Variants in ZNF619 observed in about 807,000 individuals in gnomAD.
The protein encoded by ZNF619 is zinc finger protein 619.
Under a neutral mutation model 14.2 loss-of-function variants are expected in ZNF619, and 9 were observed. That is an observed-to-expected ratio of 0.64 (90% CI 0.38 to 1.11). ZNF619 has a LOEUF of 1.11. ZNF619 is among the 50% of genes least tolerant of loss of function. The probability of loss-of-function intolerance (pLI) is 0.01; values close to 1 mark genes in which losing one functional copy is unlikely to be tolerated. For synonymous variants in ZNF619, 246 were observed against 252.8 expected, an observed-to-expected ratio of 0.97 and a Z score of 0.26; for missense variants, 659 against 680.1, an observed-to-expected ratio of 0.97 and a Z score of 0.34.
chr3:40,477,797 G>C (rs1381548251), intron 1 of ZNF619, 121 bp from the exon 2 acceptor site: 6 of 609,068 alleles, frequency 9.9e-6, no homozygotes, highest in Non-Finnish European at 1.5e-5. Flanking sequence ...TCAGTGGAGA[G>C]GGTGAATGAC....
intron 4 of ZNF619, among the ~76,000 whole-genome samples, chr3:40,483,995 G>A (rs543183092): frequency 8.8e-5 from 13 of 148,408 alleles, no homozygotes; most frequent in East Asian, 4.1e-4. Context: ...GCACTATTTC[G>A]GCTCACTGCA....
At chr3:40,482,848 C>T (rs1697452143) in intron 4 of ZNF619, 144 bp downstream of exon 4, 1 of 633,678 alleles carries the variant, frequency 1.6e-6, no homozygotes, top group East Asian at 2.8e-5. Flanking sequence ...TGTTGCTTAC[C>T]AGAACTTCAT....
Position 40,481,923 on chromosome 3 carries a change from T to C in ZNF619, c.85T>C (p.Phe29Leu). The C allele has an allele frequency of 6.2e-7, 1 of 1,613,908 alleles. No homozygotes were observed. The highest frequency in any genetic ancestry group is 1.1e-5 in the South Asian group (1 of 91,068). The change falls in exon 3 of 5, where the codon TTC becomes CTC. Residue 29 changes from phenylalanine to leucine, a missense_variant. Coordinates refer to ENST00000432264, the MANE Select transcript of ZNF619 (RefSeq NM_001145093.4). ...PVTFEDVAVYFTQNEWASLHP... is the reference protein window; with the variant it reads ...PVTFEDVAVYLTQNEWASLHP... ...AACCTTTGAGGATGTGGCTGTGTACTTCACCCAGAATGAATGGGCCAGCCT... is the reference window on the plus strand; with the variant it reads ...AACCTTTGAGGATGTGGCTGTGTACCTCACCCAGAATGAATGGGCCAGCCT...
chr3:40,480,017 A>C (rs1382344553), intron 2 of ZNF619, among the ~76,000 whole-genome samples: 1 of 152,248 alleles, frequency 6.6e-6, no homozygotes, highest in African/African-American at 2.4e-5. Context: ...AGTAAAGGAC[A>C]GAAGAGTGAT....
At chr3:40,486,141 G>A (rs1440321291) in intron 4 of ZNF619, among the ~76,000 whole-genome samples, 1 of 152,208 alleles carries the variant, frequency 6.6e-6, no homozygotes, top group Admixed American at 6.5e-5. Flanking sequence ...TGGTGCTAGA[G>A]CTGCCTACCC....
chr3:40,483,920 A>C (rs988924867), intron 4 of ZNF619, among the ~76,000 whole-genome samples: 1 of 151,698 alleles, frequency 6.6e-6, no homozygotes, highest in Non-Finnish European at 1.5e-5. Flanking sequence ...GAGCTACTGC[A>C]CTTGGCCTAT....
At chr3:40,480,498 A>AGT (rs1697349386) in intron 2 of ZNF619, among the ~76,000 whole-genome samples, 1 of 109,724 alleles carries the variant, frequency 9.1e-6, no homozygotes, top group African/African-American at 5.1e-5. Context: ...ACTGCATAGT[A>AGT]CTTTTTTTTT....
chr3:40,482,269 C>A, intron 3 of ZNF619: 1 of 1,551,918 alleles, frequency 6.4e-7, no homozygotes, highest in Non-Finnish European at 8.7e-7. Flanking sequence ...ACAGAGAGAA[C>A]TGAGAAGGTT....
intron 1 of ZNF619, 101 bp from the exon 2 acceptor site, chr3:40,477,817 T>C (rs927350105): frequency 7.8e-6 from 5 of 641,296 alleles, no homozygotes; most frequent in Non-Finnish European, 1.4e-5. Flanking sequence ...CAGCAGCTAG[T>C]GTGCCAAGAA....
In ZNF619 at chr3:40,487,840, G is replaced by T. The variant is rs1185190202; in HGVS notation, c.1330G>T (p.Val444Phe). Residue 444 changes from valine to phenylalanine, a missense_variant, in exon 5 of 5, where the codon GTT becomes TTT. By Grantham distance (50) the Val-to-Phe change is conservative. Coordinates refer to ENST00000432264, the MANE Select transcript of ZNF619 (RefSeq NM_001145093.4). ...GKTFSQKITL[V>F]QHQRVHTGEK... Reference sequence around the variant, plus strand: ...GACATTCAGTCAAAAGATCACTCTGGTTCAGCATCAGCGAGTTCACACTGG... The same window carrying T: ...GACATTCAGTCAAAAGATCACTCTGTTTCAGCATCAGCGAGTTCACACTGG... 6.2e-7 allele frequency: 1 copy of T among 1,613,352 alleles called. No homozygotes were observed. Among genetic ancestry groups the T allele is most frequent in the African/African-American group, 1.3e-5 (1 of 74,632 alleles).
chr3:40,489,815 A>G lies in ZNF619; in HGVS notation c.*1574A>G, dbSNP rs960958635. 2.0e-5 allele frequency: 3 copies of G among 152,192 alleles called. No homozygotes were observed. The highest frequency in any genetic ancestry group is 4.4e-5 in the Non-Finnish European group (3 of 68,026). The allele number at this position is 152,192 out of a possible 1,614,324, so 9.4% of individuals were successfully genotyped here. A position where few individuals can be genotyped will look rare whatever the true frequency, so the allele number is the denominator to read the frequency against. ...TTGGATATGTCCTCACACCTACTCC[A>G]GATTTCCCTATGATTAAATCTGAAT... is the stretch of plus-strand genomic sequence containing the variant. On this transcript the variant is annotated 3_prime_UTR_variant, in exon 5 of 5. Transcript: ENST00000432264.
chr3:40,484,045 C>G (rs903650716), intron 4 of ZNF619, among the ~76,000 whole-genome samples: 1 of 152,216 alleles, frequency 6.6e-6, no homozygotes, highest in Non-Finnish European at 1.5e-5. Context: ...CCTGCCTCAG[C>G]CTCCCAAGTA....
rs1255075298 is a variant in ZNF619 at position 40,487,454 on chromosome 3, C to T, written c.944C>T (p.Pro315Leu). 6 of 1,613,998 alleles carry T rather than the reference C, an allele frequency of 3.7e-6. No individual in the cohort carries two copies. Among genetic ancestry groups the T allele is most frequent in the South Asian group, 1.1e-5 (1 of 91,078 alleles). The change falls in exon 5 of 5, where the codon CCC becomes CTC. Residue 315 changes from proline to leucine, a missense_variant. Pro to Leu is a moderately conservative substitution (Grantham distance 98, BLOSUM62 -3). Coordinates refer to ENST00000432264, the MANE Select transcript of ZNF619 (RefSeq NM_001145093.4). ...RHQRIHTGEK[P>L]FKCKECGKAF... The stretch of plus-strand genomic sequence containing the variant: ...CAGAGAATCCATACTGGGGAGAAGC[C>T]CTTTAAATGTAAGGAATGTGGGAAA...
chr3:40,488,114 T>C lies in ZNF619; in HGVS notation c.1604T>C (p.Phe535Ser), dbSNP rs751642825. The C allele has an allele frequency of 8.1e-6, 13 of 1,614,164 alleles. No homozygotes were observed. Among genetic ancestry groups the C allele is most frequent in the Non-Finnish European group, 1.0e-5 (12 of 1,180,016 alleles). ...AVVLPPSVPFFLLLPSSEKAN... is the reference protein window; with the variant it reads ...AVVLPPSVPFSLLLPSSEKAN... ...GTACTTCCTCCCTCTGTGCCTTTCT[T>C]CCTGCTGCTTCCCTCATCTGAAAAG... The change falls in exon 5 of 5, where the codon TTC becomes TCC. Residue 535 changes from phenylalanine (F) to serine (S), a missense_variant. Transcript: ENST00000432264.
At position 40,489,612 on chromosome 3, in the gene ZNF619, C is replaced by T. The variant is rs901479928; in HGVS notation, c.*1371C>T. 1 of 151,946 alleles carries T rather than the reference C, an allele frequency of 6.6e-6. No individual in the cohort carries two copies. Among genetic ancestry groups the T allele is most frequent in the Non-Finnish European group, 1.5e-5 (1 of 68,016 alleles). The allele number at this position is 151,946 out of a possible 1,614,324, so 9.4% of individuals were successfully genotyped here. A position where few individuals can be genotyped will look rare whatever the true frequency, so the allele number is the denominator to read the frequency against. On this transcript the variant is annotated 3_prime_UTR_variant, in exon 5 of 5. Coordinates refer to ENST00000432264, the MANE Select transcript of ZNF619 (RefSeq NM_001145093.4). ...TCATATATGTAGGTACAAAAAGTGACTTGGACTTGTACCCTTTAGGGTAGA... is the reference window on the plus strand; with the variant it reads ...TCATATATGTAGGTACAAAAAGTGATTTGGACTTGTACCCTTTAGGGTAGA...
chr3:40,481,641 A>G (rs1697395276), intron 2 of ZNF619, among the ~76,000 whole-genome samples: 1 of 152,200 alleles, frequency 6.6e-6, no homozygotes. Context: ...CATGATCACC[A>G]GGCAGAGAAC....
At position 40,489,565 on chromosome 3, in the gene ZNF619, T is replaced by G. The variant is rs1323338157; in HGVS notation, c.*1324T>G. 2 of 151,874 alleles carry G rather than the reference T, an allele frequency of 1.3e-5. No homozygotes were observed. The highest frequency in any genetic ancestry group is 2.9e-5 in the Non-Finnish European group (2 of 67,980). 9.4% of individuals were successfully genotyped at this position (151,874 alleles called of 1,614,324 possible). A position where few individuals can be genotyped will look rare whatever the true frequency, so the allele number is the denominator to read the frequency against. On this transcript the variant is annotated 3_prime_UTR_variant, in exon 5 of 5. Transcript: ENST00000432264. ...TGTCCAGCCTCTATTCCTTTTCATATCTGTTGAATTTCAGTACCCACTCAT... is the reference window on the plus strand; with the variant it reads ...TGTCCAGCCTCTATTCCTTTTCATAGCTGTTGAATTTCAGTACCCACTCAT...
At position 40,488,201 on chromosome 3, in the gene ZNF619, C is replaced by T. The variant is rs767600890; in HGVS notation, c.1691C>T (p.Ser564Leu). ...CAGGATCTCGCTTTTCCTGGGAAGT[C>T]ATCCCTTCAGAGCCCGAATCCTTTG... ...FFQDLAFPGKSSLQSPNPLSH... is the reference protein window; with the variant it reads ...FFQDLAFPGKLSLQSPNPLSH... Residue 564 changes from serine (S) to leucine (L), a missense_variant, in exon 5 of 5, where the codon TCA becomes TTA. Transcript: ENST00000432264. 2 of 1,607,176 alleles carry T rather than the reference C, an allele frequency of 1.2e-6. No homozygotes were observed. Among genetic ancestry groups the T allele is most frequent in the Admixed American group, 3.3e-5 (2 of 59,784 alleles).
rs1024290067 is a variant in ZNF619 at position 40,489,606 on chromosome 3, A to C, written c.*1365A>C. 6.6e-6 allele frequency: 1 copy of C among 152,010 alleles called. No individual in the cohort carries two copies. Among genetic ancestry groups the C allele is most frequent in the Non-Finnish European group, 1.5e-5 (1 of 68,034 alleles). The allele number at this position is 152,010 out of a possible 1,614,324, so 9.4% of individuals were successfully genotyped here. A position where few individuals can be genotyped will look rare whatever the true frequency, so the allele number is the denominator to read the frequency against. ...ACCCACTCATATATGTAGGTACAAAAAGTGACTTGGACTTGTACCCTTTAG... is the reference window on the plus strand; with the variant it reads ...ACCCACTCATATATGTAGGTACAAACAGTGACTTGGACTTGTACCCTTTAG... On this transcript the variant is annotated 3_prime_UTR_variant, in exon 5 of 5. Transcript: ENST00000432264.
Sources: gnomAD v4.1 joint callset for allele counts (sites outside exome capture counted in the v4.1 genomes callset) on GRCh38, gnomAD v4.1.1 for gene constraint, MANE v1.5 for transcripts, NCBI Gene and HGNC (gene_info 2026-07-23, HGNC 2026-07-21) for gene names.